DHX15: variants seen among roughly 807,000 people sequenced by gnomAD.
DHX15 encodes DEAH-box helicase 15, also known as ATP-dependent RNA helicase DHX15.
In DHX15, 11 loss-of-function variants were observed where a neutral mutation model predicts 94.4. The ratio of observed to expected loss-of-function variants is 0.12; its 90% confidence interval spans 0.07 to 0.19. The LOEUF is 0.19. Ranked by LOEUF, DHX15 falls within the 10% of genes least tolerant of loss-of-function variation. The probability of loss-of-function intolerance (pLI) is 1.00; values close to 1 mark genes in which losing one functional copy is unlikely to be tolerated. For synonymous variants in DHX15, 338 were observed against 329.9 expected, an observed-to-expected ratio of 1.02 and a Z score of -0.27; for missense variants, 304 against 988.5, an observed-to-expected ratio of 0.31 and a Z score of 9.29.
At chr4:24,529,490 T>C in intron 13 of DHX15, 111 bp downstream of exon 13, 1 of 914,932 alleles carries the variant, frequency 1.1e-6, no homozygotes, top group South Asian at 1.6e-5. Context: ...ACCTACACAC[T>C]GAAATATAAA....
chr4:24,528,090 T>A, intron 13 of DHX15, 49 bp from the exon 14 acceptor site: 2 of 1,310,702 alleles, frequency 1.5e-6, no homozygotes, highest in Non-Finnish European at 2.2e-6. Flanking sequence ...TTAATTGAAG[T>A]ACTGGAGTTG....
chr4:24,543,262 G>A (rs137864122), intron 6 of DHX15, among the ~76,000 whole-genome samples: 483 of 152,124 alleles, frequency 3.2e-3, no homozygotes, highest in Non-Finnish European at 5.0e-3. Flanking sequence ...ATTACTTCAG[G>A]TTATCACTCA....
intron 13 of DHX15, among the ~76,000 whole-genome samples, chr4:24,529,010 T>A (rs1721023434): frequency 7.6e-6 from 1 of 131,504 alleles, no homozygotes; most frequent in Non-Finnish European, 1.7e-5. Flanking sequence ...ATTAAAAAAA[T>A]TAAAAAAAAA....
At chr4:24,581,875 A>T (rs1012397398) in intron 1 of DHX15, among the ~76,000 whole-genome samples, 6 of 152,214 alleles carry the variant, frequency 3.9e-5, no homozygotes, top group South Asian at 4.1e-4. Flanking sequence ...ACAGAAACCT[A>T]TAATAACTTC....
chr4:24,581,802 C>T (rs187894216), intron 1 of DHX15, among the ~76,000 whole-genome samples: 4 of 152,080 alleles, frequency 2.6e-5, no homozygotes, highest in African/African-American at 9.7e-5. Flanking sequence ...TTATTACTTT[C>T]GGTAATTGTA....
At chr4:24,569,529 T>C (rs1577348559) in intron 3 of DHX15, among the ~76,000 whole-genome samples, 1 of 135,148 alleles carries the variant, frequency 7.4e-6, no homozygotes, top group Middle Eastern at 4.4e-3. Flanking sequence ...GAGGCGGAGG[T>C]TGCAGAGAGC....
intron 4 of DHX15, among the ~76,000 whole-genome samples, 195 bp from the exon 5 acceptor site, chr4:24,555,138 GAAAA>G (rs747408782): frequency 1.3e-5 from 2 of 151,152 alleles, no homozygotes; most frequent in East Asian, 3.9e-4. Context: ...TAAAAATTTA[GAAAA>G]AAAATAAATG....
chr4:24,529,754 C>A lies in DHX15; in HGVS notation c.2117G>T (p.Arg706Leu). 6.2e-7 allele frequency: 1 copy of A among 1,614,132 alleles called. No homozygotes were observed. The highest frequency in any genetic ancestry group is 8.5e-7 in the Non-Finnish European group (1 of 1,180,018). Residue 706 changes from arginine (R) to leucine (L), a missense_variant, in exon 13 of 14, where the codon CGA (arginine) becomes CTA (leucine). Around this residue, in one of 9 missense-constraint regions of DHX15, gnomAD observed 44 missense variants for 236.7 expected, o/e 0.19. Coordinates refer to ENST00000336812, the MANE Select transcript of DHX15 (RefSeq NM_001358.3). The part of the protein sequence containing the change: ...GYFMQVAHLE[R>L]TGHYLTVKDN... ...TTTCACAGTTAAGTAATGCCCTGTT[C>A]GTTCTAAATGTGCCACCTGAAACCA...
intron 13 of DHX15, among the ~76,000 whole-genome samples, chr4:24,528,617 G>A (rs992555404): frequency 6.6e-6 from 1 of 152,092 alleles, no homozygotes; most frequent in Non-Finnish European, 1.5e-5. Flanking sequence ...AATATAAAGC[G>A]GTGACAGCAC....
At position 24,579,417 on chromosome 4, in the gene DHX15, G is replaced by C. The variant is rs558793555; in HGVS notation, c.72-2739C>G. Among the ~76,000 whole-genome samples, 44 of 152,286 alleles carry C rather than the reference G, an allele frequency of 2.9e-4. No homozygotes were observed. In the South Asian group the frequency reaches 9.1e-3, roughly 32 times the overall value. ...CACATGCGTGTTTTCTTTTTTAAAA[G>C]ATACTTTTTATTATAAAGGAGTTTT... On this transcript the variant is annotated intron_variant, in intron 1 of 13. Transcript: ENST00000336812.
At chr4:24,533,102 A>T in intron 11 of DHX15, 48 bp from the exon 12 acceptor site, 1 of 1,468,740 alleles carries the variant, frequency 6.8e-7, no homozygotes. Context: ...TGAATCACCC[A>T]CACAGGAATG....
chr4:24,544,125 T>C (rs1721374715), intron 6 of DHX15, among the ~76,000 whole-genome samples: 1 of 152,062 alleles, frequency 6.6e-6, no homozygotes, highest in South Asian at 2.1e-4. Flanking sequence ...AGTTCCATCT[T>C]AAAAAAACAC....
intron 3 of DHX15, among the ~76,000 whole-genome samples, chr4:24,557,707 G>GAAGGA (rs1721766948): frequency 6.6e-6 from 1 of 152,016 alleles, no homozygotes; most frequent in Non-Finnish European, 1.5e-5. Flanking sequence ...GTAAGACCAG[G>GAAGGA]AAAGAAAAAA....
rs1452372438 is a variant in DHX15, at chr4:24,541,924, A to G, written c.1434T>C (p.Pro478=). ...CTGTGTAAAGTCTGAAGCATTTTCCAGGTCTGGTACGTCCAGCTCGACCAG... is the reference window on the plus strand; with the variant it reads ...CTGTGTAAAGTCTGAAGCATTTTCCGGGTCTGGTACGTCCAGCTCGACCAG... ...QRAGRAGRTR[P]GKCFRLYTEK... The change falls in exon 8 of 14, where the codon CCT becomes CCC. Residue 478 remains proline, a synonymous_variant. Transcript: ENST00000336812. The G allele has an allele frequency of 6.2e-7, 1 of 1,610,946 alleles. No homozygotes were observed. The highest frequency in any genetic ancestry group is 8.5e-7 in the Non-Finnish European group (1 of 1,177,982).
intron 8 of DHX15, 150 bp downstream of exon 8, chr4:24,541,723 G>C: frequency 1.3e-6 from 1 of 743,804 alleles, no homozygotes; most frequent in Non-Finnish European, 2.1e-6. Context: ...GACTATCTAA[G>C]TTAATTACAC....
In DHX15 at chr4:24,528,011, G is replaced by A; in HGVS notation, c.2301C>T (p.Asp767=). Reference sequence around the variant, plus strand: ...CTTCACACTGTGGGAAATTGCTCATGTCATAATATTGAGGGGCAATTTTCA... The same window carrying A: ...CTTCACACTGTGGGAAATTGCTCATATCATAATATTGAGGGGCAATTTTCA... ...WLVKIAPQYY[D]MSNFPQCEAK... Residue 767 remains aspartate, a synonymous_variant, in exon 14 of 14, where the codon GAC becomes GAT. Coordinates refer to ENST00000336812, the MANE Select transcript of DHX15 (RefSeq NM_001358.3). The A allele has an allele frequency of 1.2e-6, 2 of 1,613,888 alleles. No homozygotes were observed. The highest frequency in any genetic ancestry group is 1.7e-6 in the Non-Finnish European group (2 of 1,179,854).
At chr4:24,547,935 A>ATC (rs1560765917) in intron 6 of DHX15, among the ~76,000 whole-genome samples, 59 of 49,056 alleles carry the variant, frequency 1.2e-3, no homozygotes, top group African/African-American at 4.7e-3. Context: ...ATATATATAT[A>ATC]TATATATCTA....
intron 3 of DHX15, among the ~76,000 whole-genome samples, chr4:24,562,440 G>A (rs1259111015): frequency 6.6e-6 from 1 of 152,136 alleles, no homozygotes; most frequent in African/African-American, 2.4e-5. Flanking sequence ...ACAAAACTGG[G>A]TTTAAGTCCC....
Position 24,551,824 on chromosome 4 carries a change from A to G in DHX15, c.1081-2802T>C, listed in dbSNP as rs1456569584. On this transcript the variant is annotated intron_variant, in intron 5 of 13. Transcript: ENST00000336812. ...GAAAAATAAATGCTCAGAAATCACA[A>G]AATATCCAGATTTCACACATTAAAA... Among the ~76,000 whole-genome samples, 3 of 152,222 alleles carry G rather than the reference A, an allele frequency of 2.0e-5. No homozygotes were observed. The East Asian group carries it at 5.8e-4, about 29-fold the overall frequency.
Sources: allele counts gnomAD v4.1 joint callset (sites outside exome capture counted in the v4.1 genomes callset), GRCh38; gene constraint gnomAD v4.1.1; regional missense constraint gnomAD v4.1.1; transcripts MANE v1.5; gene names NCBI Gene and HGNC (gene_info 2026-07-23, HGNC 2026-07-21).